PHACTR1: variants seen among roughly 807,000 people sequenced by gnomAD.
PHACTR1 encodes phosphatase and actin regulator 1.
Under a neutral mutation model 69.2 loss-of-function variants are expected in PHACTR1, and 16 were observed. That is an observed-to-expected ratio of 0.23 (90% CI 0.16 to 0.35). PHACTR1 has a LOEUF of 0.35. Among genes scored for constraint, PHACTR1 ranks in the 10% least tolerant of loss-of-function variants. PHACTR1 has a pLI of 1.00. For synonymous variants in PHACTR1, 312 were observed against 284.5 expected (o/e 1.10, Z -0.97); for missense variants, 510 against 734.7 (o/e 0.69, Z 3.54).
chr6:13,177,347 GTC>G (rs1761487246), intron 6 of PHACTR1, among the ~76,000 whole-genome samples: 1 of 147,894 alleles, frequency 6.8e-6, no homozygotes, highest in Non-Finnish European at 1.5e-5. Context: ...CTGTCTGTCT[GTC>G]TGTCTCTCTC....
chr6:13,193,586 C>T (rs1017598841), intron 7 of PHACTR1, among the ~76,000 whole-genome samples: 3 of 151,508 alleles, frequency 2.0e-5, no homozygotes, highest in Non-Finnish European at 2.9e-5. Flanking sequence ...CAAGGTCTCT[C>T]GATGTTGCCC....
At chr6:13,233,614 G>A (rs115693218) in intron 10 of PHACTR1, among the ~76,000 whole-genome samples, 2,671 of 152,218 alleles carry the variant, frequency 0.018, 71 homozygotes, top group African/African-American at 0.061. Flanking sequence ...ATCAGATCTC[G>A]TGAGACCTAC....
chr6:12,754,640 T>C (rs1311412867), intron 4 of PHACTR1, among the ~76,000 whole-genome samples: 1 of 152,190 alleles, frequency 6.6e-6, no homozygotes, highest in Non-Finnish European at 1.5e-5. Flanking sequence ...CCCCAGATAG[T>C]GTAATGAATA....
At chr6:13,231,087 GAAGGAAGGAAGGGAAAAGAAA>G (rs1770930676) in intron 10 of PHACTR1, among the ~76,000 whole-genome samples, 3 of 16,202 alleles carry the variant, frequency 1.9e-4, no homozygotes, top group South Asian at 2.9e-3. Context: ...AAGGAAGGAA[GAAGGAAGGAAGGGAAAAGAAA>G]GAAGGAAAGA....
chr6:12,980,433 A>G (rs1196660208), intron 4 of PHACTR1, among the ~76,000 whole-genome samples: 1 of 152,150 alleles, frequency 6.6e-6, no homozygotes, highest in Non-Finnish European at 1.5e-5. Context: ...CGTGTCAAGC[A>G]TGTCCCATAC....
At chr6:12,806,975 A>G (rs1464242390) in intron 4 of PHACTR1, among the ~76,000 whole-genome samples, 24 of 152,216 alleles carry the variant, frequency 1.6e-4, no homozygotes, top group Admixed American at 1.6e-3. Context: ...TTCATGCGTA[A>G]CTATTTTTAT....
chr6:12,945,277 T>A (rs1790554043), intron 4 of PHACTR1, among the ~76,000 whole-genome samples: 1 of 152,234 alleles, frequency 6.6e-6, no homozygotes, highest in Admixed American at 6.5e-5. Flanking sequence ...GTCTTTCTGC[T>A]ATGCGCTGCC....
At chr6:13,212,736 G>A (rs1400222769) in intron 8 of PHACTR1, among the ~76,000 whole-genome samples, 1 of 152,068 alleles carries the variant, frequency 6.6e-6, no homozygotes, top group Admixed American at 6.5e-5. Context: ...TCTCGGACGT[G>A]CCGGACACCT....
intron 4 of PHACTR1, among the ~76,000 whole-genome samples, chr6:12,870,984 C>T (rs964063356): frequency 3.3e-5 from 5 of 152,144 alleles, no homozygotes; most frequent in Admixed American, 3.3e-4. Context: ...CTCGAGTAAT[C>T]ATCTGTAATC....
chr6:13,222,841 A>G (rs1768900707), intron 8 of PHACTR1, among the ~76,000 whole-genome samples: 1 of 152,238 alleles, frequency 6.6e-6, no homozygotes, highest in African/African-American at 2.4e-5. Flanking sequence ...GCAATGAATT[A>G]TCTGGCCCAA....
Position 13,162,271 on chromosome 6 carries a change from G to GTTTT in PHACTR1, c.496+1991_496+1994dup, listed in dbSNP as rs1266827566. On this transcript the variant is annotated intron_variant, in intron 6 of 14. Transcript: ENST00000332995. Reference sequence around the variant, plus strand: ...CGCACCACCATGCACGGCTACTTTTGTTTTTTTGTTTGTTTGTTTGTTTGT... The same window carrying GTTTT: ...CGCACCACCATGCACGGCTACTTTTGTTTTTTTTTTTGTTTGTTTGTTTGTTTGT... Among the ~76,000 whole-genome samples, 8 of 116,318 alleles carry GTTTT rather than the reference G, an allele frequency of 6.9e-5. No individual in the cohort carries two copies. The East Asian group carries it at 9.8e-4, about 14-fold the overall frequency. The allele number at this position is 116,318 out of a possible 152,430, so 76.3% of individuals were successfully genotyped here.
chr6:12,787,538 G>A (rs1312884745), intron 4 of PHACTR1, among the ~76,000 whole-genome samples: 1 of 152,168 alleles, frequency 6.6e-6, no homozygotes, highest in Non-Finnish European at 1.5e-5. Flanking sequence ...ACAGTCAGAG[G>A]TAGATTCTGG....
rs181834466 is a variant in PHACTR1, at chr6:13,188,846, T to A, written c.664+6160T>A. Among the ~76,000 whole-genome samples, 922 of 152,340 alleles carry A rather than the reference T, an allele frequency of 6.1e-3. 22 individuals carry two copies. The highest frequency in any genetic ancestry group is 0.05 in the Admixed American group (768 of 15,304). ...GGGCCAGGAGTTGTTGGCATCAGTTTCCTTTGTTTCCAGAAGTACAGTGTC... is the reference window on the plus strand; with the variant it reads ...GGGCCAGGAGTTGTTGGCATCAGTTACCTTTGTTTCCAGAAGTACAGTGTC... On this transcript the variant is annotated intron_variant, in intron 7 of 14. Transcript: ENST00000332995.
intron 4 of PHACTR1, among the ~76,000 whole-genome samples, chr6:12,877,767 C>T (rs979193727): frequency 6.6e-6 from 1 of 152,208 alleles, no homozygotes; most frequent in African/African-American, 2.4e-5. Context: ...CTCTAATTCC[C>T]CCAAGATCTT....
At chr6:12,833,480 A>T (rs1385920806) in intron 4 of PHACTR1, among the ~76,000 whole-genome samples, 1 of 151,966 alleles carries the variant, frequency 6.6e-6, no homozygotes, top group Non-Finnish European at 1.5e-5. Context: ...GCTGGTCTCA[A>T]ACTCCTGACT....
chr6:13,257,795 A>T (rs1775378072), intron 10 of PHACTR1, among the ~76,000 whole-genome samples: 1 of 152,048 alleles, frequency 6.6e-6, no homozygotes, highest in Admixed American at 6.5e-5. Flanking sequence ...GCCTCCTTCA[A>T]CCTTTTATGA....
intron 4 of PHACTR1, among the ~76,000 whole-genome samples, chr6:12,946,509 T>G (rs548006339): frequency 6.6e-6 from 1 of 152,102 alleles, no homozygotes; most frequent in South Asian, 2.1e-4. Context: ...TTGGGAAAAT[T>G]GCAAGTGGTG....
intron 10 of PHACTR1, among the ~76,000 whole-genome samples, chr6:13,253,656 C>A (rs1774797530): frequency 6.6e-6 from 1 of 152,204 alleles, no homozygotes; most frequent in African/African-American, 2.4e-5. Context: ...ATGTCCACCA[C>A]CATCTGAATC....
At chr6:12,823,211 A>G (rs1432254154) in intron 4 of PHACTR1, among the ~76,000 whole-genome samples, 1 of 152,204 alleles carries the variant, frequency 6.6e-6, no homozygotes, top group Non-Finnish European at 1.5e-5. Flanking sequence ...TGGGAAGAAT[A>G]AGTCACTTTG....
Sources: gnomAD v4.1 joint callset for allele counts (sites outside exome capture counted in the v4.1 genomes callset) on GRCh38, gnomAD v4.1.1 for gene constraint, MANE v1.5 for transcripts, NCBI Gene and HGNC (gene_info 2026-07-23, HGNC 2026-07-21) for gene names.